The following POU6F2 variants were observed in gnomAD, a reference collection of about 807,000 sequenced individuals.
POU6F2 encodes POU domain, class 6, transcription factor 2.
In POU6F2, 31 loss-of-function variants were observed where a neutral mutation model predicts 71.3. That is an observed-to-expected ratio of 0.43 (90% CI 0.33 to 0.59). The LOEUF is 0.59. Among genes scored for constraint, POU6F2 ranks in the 20% least tolerant of loss-of-function variants. The pLI is 0.04. For missense variants in POU6F2, 783 were observed against 856.8 expected, an observed-to-expected ratio of 0.91 and a Z score of 1.07; for synonymous variants, 347 against 355.7, an observed-to-expected ratio of 0.98 and a Z score of 0.27.
At chr7:39,184,873 G>A (rs1005102796) in intron 2 of POU6F2, among the ~76,000 whole-genome samples, 1 of 152,114 alleles carries the variant, frequency 6.6e-6, no homozygotes, top group Non-Finnish European at 1.5e-5. Flanking sequence ...CTTTTGAGCA[G>A]TAATATGTAA....
At chr7:39,058,360 C>A (rs187379113) in intron 1 of POU6F2, among the ~76,000 whole-genome samples, 4 of 152,168 alleles carry the variant, frequency 2.6e-5, no homozygotes, top group African/African-American at 9.6e-5. Flanking sequence ...GGAAAGATTC[C>A]AAATGATGAA....
chr7:39,454,697 T>G (rs1254812201), intron 8 of POU6F2, among the ~76,000 whole-genome samples: 2,514 of 42,810 alleles, frequency 0.059, 471 homozygotes, highest in African/African-American at 0.21. Context: ...TATATATATA[T>G]ATATATATAT....
chr7:39,431,982 C>T (rs1446100968), intron 6 of POU6F2, among the ~76,000 whole-genome samples: 5 of 152,266 alleles, frequency 3.3e-5, no homozygotes, highest in South Asian at 2.1e-4. Context: ...AGCATCCACA[C>T]GGCCAGTGCC....
intron 1 of POU6F2, among the ~76,000 whole-genome samples, chr7:38,988,399 A>G (rs1034948228): frequency 1.8e-4 from 27 of 152,034 alleles, no homozygotes; most frequent in Non-Finnish European, 1.8e-4. Flanking sequence ...AAATTGAACA[A>G]TGTAACCCCT....
intron 2 of POU6F2, among the ~76,000 whole-genome samples, chr7:39,191,744 C>CCT (rs1793672696): frequency 6.6e-6 from 1 of 152,142 alleles, no homozygotes; most frequent in Admixed American, 6.5e-5. Flanking sequence ...AAGAATATGA[C>CCT]CTAAGTCTAT....
intron 2 of POU6F2, among the ~76,000 whole-genome samples, chr7:39,093,070 T>C (rs1791387617): frequency 6.6e-6 from 1 of 152,096 alleles, no homozygotes; most frequent in South Asian, 2.1e-4. Flanking sequence ...TGCCCAAACT[T>C]CTCTTATAGT....
intron 4 of POU6F2, among the ~76,000 whole-genome samples, chr7:39,317,608 A>G (rs1785296241): frequency 6.6e-6 from 1 of 152,210 alleles, no homozygotes. Context: ...AAGTTTTTGG[A>G]GGCCTTTCTA....
intron 2 of POU6F2, among the ~76,000 whole-genome samples, chr7:39,169,078 T>G (rs1793167257): frequency 6.6e-6 from 1 of 152,222 alleles, no homozygotes; most frequent in African/African-American, 2.4e-5. Context: ...AGTTGTACAT[T>G]TTGATAGTAT....
intron 7 of POU6F2, among the ~76,000 whole-genome samples, chr7:39,434,985 A>G (rs577774147): frequency 2.6e-5 from 4 of 152,336 alleles, no homozygotes; most frequent in African/African-American, 9.6e-5. Context: ...ACGGCAGCAT[A>G]GTATTCCATG....
chr7:39,037,627 A>G (rs1006062716), intron 1 of POU6F2, among the ~76,000 whole-genome samples: 1 of 151,968 alleles, frequency 6.6e-6, no homozygotes, highest in Non-Finnish European at 1.5e-5. Flanking sequence ...AAATAAAGAG[A>G]TACAGGATCT....
chr7:39,227,814 C>T (rs1794499513), intron 4 of POU6F2, among the ~76,000 whole-genome samples: 1 of 152,128 alleles, frequency 6.6e-6, no homozygotes, highest in Non-Finnish European at 1.5e-5. Context: ...GCCTCGGCCT[C>T]CCAAAGTGCT....
chr7:38,981,363 C>T (rs901525363), intron 1 of POU6F2, among the ~76,000 whole-genome samples: 4 of 152,038 alleles, frequency 2.6e-5, no homozygotes, highest in African/African-American at 4.8e-5. Context: ...CTCATACAGT[C>T]GGGTCACTGT....
intron 2 of POU6F2, among the ~76,000 whole-genome samples, chr7:39,150,755 A>AT (rs1355005165): frequency 2.6e-5 from 4 of 152,056 alleles, no homozygotes; most frequent in Non-Finnish European, 4.4e-5. Flanking sequence ...GGTGTGAGCC[A>AT]TTGTGCCCAG....
chr7:39,254,969 TTAATC>T (rs1417316836), intron 4 of POU6F2, among the ~76,000 whole-genome samples: 10 of 152,344 alleles, frequency 6.6e-5, no homozygotes, highest in Admixed American at 4.6e-4. Context: ...ACAATACAGA[TTAATC>T]TAAGAGAATG....
chr7:38,987,398 T>C (rs1369163282), intron 1 of POU6F2, among the ~76,000 whole-genome samples: 1 of 152,142 alleles, frequency 6.6e-6, no homozygotes, highest in Non-Finnish European at 1.5e-5. Context: ...TTTTCTTTCA[T>C]GAGCCTCAAT....
At chr7:39,147,571 C>A (rs545121833) in intron 2 of POU6F2, among the ~76,000 whole-genome samples, 3 of 152,286 alleles carry the variant, frequency 2.0e-5, no homozygotes, top group African/African-American at 7.2e-5. Context: ...AGTCCCAGGC[C>A]AGGGTAGGTT....
At chr7:38,987,005 C>T (rs1788479740) in intron 1 of POU6F2, among the ~76,000 whole-genome samples, 1 of 152,076 alleles carries the variant, frequency 6.6e-6, no homozygotes, top group Non-Finnish European at 1.5e-5. Context: ...CTTGATCTAG[C>T]TTTTAAAAAT....
intron 1 of POU6F2, among the ~76,000 whole-genome samples, chr7:38,995,016 G>T (rs750715926): frequency 6.6e-6 from 1 of 152,098 alleles, no homozygotes. Flanking sequence ...GAAATCCCTG[G>T]AAAGCCATGT....
chr7:39,248,219 G>C (rs1314145311), intron 4 of POU6F2, among the ~76,000 whole-genome samples: 1 of 152,162 alleles, frequency 6.6e-6, no homozygotes, highest in Admixed American at 6.5e-5. Context: ...CAGGATATGG[G>C]ATTAAGATAG....
Sources: gnomAD v4.1 joint callset for allele counts (sites outside exome capture counted in the v4.1 genomes callset) on GRCh38, gnomAD v4.1.1 for gene constraint, MANE v1.5 for transcripts, NCBI Gene and HGNC (gene_info 2026-07-23, HGNC 2026-07-21) for gene names.